PDE10A: variants seen among roughly 807,000 people sequenced by gnomAD.
PDE10A encodes the protein phosphodiesterase 10A, also known as cAMP and cAMP-inhibited cGMP 3',5'-cyclic phosphodiesterase 10A.
In PDE10A, 39 loss-of-function variants were observed where a neutral mutation model predicts 97.7. The observed-to-expected ratio is 0.40, with a 90% CI of 0.31 to 0.52. The LOEUF (loss-of-function observed/expected upper bound fraction) is 0.52, where lower values mean the gene tolerates loss of function less well. Among genes scored for constraint, PDE10A ranks in the 20% least tolerant of loss-of-function variants. The pLI, the probability that PDE10A is intolerant of heterozygous loss-of-function variation, is 0.56. For synonymous variants in PDE10A, 371 were observed against 376.8 expected (o/e 0.98, Z 0.18); for missense variants, 731 against 1,047.8 (o/e 0.70, Z 4.17).
intron 1 of PDE10A, among the ~76,000 whole-genome samples, chr6:165,893,110 C>T (rs1437874933): frequency 6.6e-6 from 1 of 152,182 alleles, no homozygotes; most frequent in Non-Finnish European, 1.5e-5. Flanking sequence ...GAAATAGTTA[C>T]ACATTTACAA....
intron 1 of PDE10A, among the ~76,000 whole-genome samples, chr6:165,825,371 C>T (rs1006936965): frequency 2.0e-5 from 3 of 152,146 alleles, no homozygotes; most frequent in Non-Finnish European, 2.9e-5. Flanking sequence ...TAAAGGATGG[C>T]GTGATCTGAG....
rs577022673 is a variant in PDE10A at position 165,671,190 on chromosome 6, A to G, written c.-614-127622T>C. ...AATGATGCTTGCTACAAATTCCCAA[A>G]GTCTACTTGTTTTTGTAAATGTCAT... On this transcript the variant is annotated intron_variant, in intron 1 of 19. Transcript: ENST00000366882. The surrounding 1 kb of genome is among the most constrained non-coding windows in gnomAD (Gnocchi z 4.6). Among the ~76,000 whole-genome samples, 1 of 152,180 alleles carries G rather than the reference A, an allele frequency of 6.6e-6. No individual in the cohort carries two copies. The highest frequency in any genetic ancestry group is 1.9e-4 in the East Asian group (1 of 5,178).
At chr6:165,764,104 T>C (rs1213263525) in intron 1 of PDE10A, among the ~76,000 whole-genome samples, 1 of 152,136 alleles carries the variant, frequency 6.6e-6, no homozygotes, top group African/African-American at 2.4e-5. Context: ...ACTAGGAGAA[T>C]CCCAAGCTCC....
intron 18 of PDE10A, among the ~76,000 whole-genome samples, chr6:165,349,553 T>C (rs755412279): frequency 8.5e-5 from 13 of 152,150 alleles, no homozygotes; most frequent in Admixed American, 6.5e-5. Context: ...GAAAAACCAA[T>C]TTTCTGGGGA....
chr6:165,799,790 T>C lies in PDE10A; in HGVS notation c.-615+187739A>G, dbSNP rs143081408. Among the ~76,000 whole-genome samples, 3 of 152,346 alleles carry C rather than the reference T, an allele frequency of 2.0e-5. No homozygotes were observed. The East Asian group carries it at 5.8e-4, about 29-fold the overall frequency. On this transcript the variant is annotated intron_variant, in intron 1 of 19. Transcript: ENST00000366882. The stretch of plus-strand genomic sequence containing the variant: ...CCCTCTTTTGCAGATATTATCATTC[T>C]TACCAAGTGGACCATCGTAACTCTG...
chr6:165,622,241 CCTCT>C (rs912772056), intron 1 of PDE10A, among the ~76,000 whole-genome samples: 25 of 151,898 alleles, frequency 1.6e-4, no homozygotes, highest in Middle Eastern at 3.4e-3. Context: ...AATCGGGCAA[CCTCT>C]CTCTGTCTCT....
At position 165,418,610 on chromosome 6, in the gene PDE10A, T is replaced by C. The variant is rs1392549019; in HGVS notation, c.1796+25A>G. ...CGCCTGCACATCTACCGTAAGAGGATAGGACATTCTACTTCTAGCTGTACC... is the reference window on the plus strand; with the variant it reads ...CGCCTGCACATCTACCGTAAGAGGACAGGACATTCTACTTCTAGCTGTACC... On this transcript the variant is annotated intron_variant, in intron 11 of 21. Transcript: ENST00000539869. This position sits in a 1 kb window ranked among gnomAD's most constrained non-coding sequence, Gnocchi z 4.8. 6 of 1,606,804 alleles carry C rather than the reference T, an allele frequency of 3.7e-6. No individual in the cohort carries two copies. The highest frequency in any genetic ancestry group is 2.7e-5 in the African/African-American group (2 of 74,802).
At chr6:165,395,681 C>CA (rs1474349041) in intron 14 of PDE10A, among the ~76,000 whole-genome samples, 2 of 152,020 alleles carry the variant, frequency 1.3e-5, no homozygotes, top group African/African-American at 4.8e-5. Context: ...ATATAAACAC[C>CA]AGAGTTATTA....
chr6:165,725,907 C>G (rs888057680), intron 1 of PDE10A, among the ~76,000 whole-genome samples: 1 of 152,076 alleles, frequency 6.6e-6, no homozygotes, highest in Non-Finnish European at 1.5e-5. Flanking sequence ...GGTGAAGGAG[C>G]CTGCTGTGAG....
chr6:165,656,282 A>T (rs1331606697), intron 1 of PDE10A, among the ~76,000 whole-genome samples: 3 of 147,610 alleles, frequency 2.0e-5, no homozygotes, highest in East Asian at 4.0e-4. Context: ...ACACACACAC[A>T]CACACACACA....
intron 10 of PDE10A, among the ~76,000 whole-genome samples, chr6:165,423,322 C>A (rs969844394): frequency 2.0e-5 from 3 of 152,186 alleles, no homozygotes; most frequent in Non-Finnish European, 2.9e-5. Flanking sequence ...AAAGTACCTA[C>A]AAATTTATAA....
chr6:165,384,362 G>C (rs762553759), intron 17 of PDE10A, among the ~76,000 whole-genome samples: 1 of 151,978 alleles, frequency 6.6e-6, no homozygotes, highest in Non-Finnish European at 1.5e-5. Flanking sequence ...ACACAGCGAC[G>C]GGCCCCAAAC....
chr6:165,566,080 T>C (rs547653106), intron 1 of PDE10A, among the ~76,000 whole-genome samples: 14 of 152,238 alleles, frequency 9.2e-5, no homozygotes, highest in African/African-American at 3.4e-4. Flanking sequence ...AATTGATAAG[T>C]TGTACTTCAG....
chr6:165,510,336 T>G lies in PDE10A; in HGVS notation c.995-27993A>C, dbSNP rs142459376. Reference sequence around the variant, plus strand: ...TCAACTGATGTATCATGTATATTGGTTTGCATATCTTAAACCATCCTTGCA... The same window carrying G: ...TCAACTGATGTATCATGTATATTGGGTTGCATATCTTAAACCATCCTTGCA... On this transcript the variant is annotated intron_variant, in intron 2 of 21. Transcript: ENST00000539869. Among the ~76,000 whole-genome samples the G allele has an allele frequency of 2.6e-3, 396 of 152,214 alleles. 1 individual carries two copies. The highest frequency in any genetic ancestry group is 4.4e-3 in the Non-Finnish European group (302 of 67,952).
chr6:165,721,564 T>C (rs1582991851), intron 1 of PDE10A, among the ~76,000 whole-genome samples: 1 of 152,234 alleles, frequency 6.6e-6, no homozygotes, highest in Non-Finnish European at 1.5e-5. Flanking sequence ...CAGTGGTCTA[T>C]GATGAATGAA....
At chr6:165,469,467 G>C (rs954630145) in intron 3 of PDE10A, among the ~76,000 whole-genome samples, 2 of 152,186 alleles carry the variant, frequency 1.3e-5, no homozygotes, top group Non-Finnish European at 2.9e-5. Flanking sequence ...AAGAAATTTA[G>C]CTTAAAACAA....
intron 1 of PDE10A, among the ~76,000 whole-genome samples, chr6:165,941,519 A>T (rs1011806723): frequency 2.0e-5 from 3 of 152,204 alleles, no homozygotes; most frequent in Non-Finnish European, 4.4e-5. Flanking sequence ...AATCTGCAAC[A>T]TCCCGGTGGG....
chr6:165,831,701 G>A (rs1157945045), intron 1 of PDE10A, among the ~76,000 whole-genome samples: 1 of 151,846 alleles, frequency 6.6e-6, no homozygotes, highest in Admixed American at 6.6e-5. Flanking sequence ...TAGCCAGGAT[G>A]GTCTCGATCT....
intron 1 of PDE10A, chr6:165,781,680 G>A (rs1778345361): frequency 6.6e-6 from 1 of 152,504 alleles, no homozygotes; most frequent in Admixed American, 6.5e-5. Flanking sequence ...GACAGCAGAG[G>A]GAGGAAGAGG....
Sources: gnomAD v4.1 joint callset for allele counts (sites outside exome capture counted in the v4.1 genomes callset) on GRCh38, gnomAD v4.1.1 for gene constraint, Gnocchi (gnomAD v3.1) non-coding constraint, MANE v1.5 for transcripts, NCBI Gene and HGNC (gene_info 2026-07-23, HGNC 2026-07-21) for gene names.